MMP26: variants seen among roughly 807,000 people sequenced by gnomAD.
MMP26 encodes matrix metalloproteinase-26.
A neutral mutation model predicts 31.0 loss-of-function variants in MMP26; 33 were observed. That is an observed-to-expected ratio of 1.06 (90% CI 0.81 to 1.42). The LOEUF is 1.42. MMP26 is among the 40% of genes most tolerant of loss of function. MMP26 has a pLI of 0.00. For synonymous variants in MMP26, 122 were observed against 114.9 expected (o/e 1.06, Z -0.40); for missense variants, 347 against 316.1 (o/e 1.10, Z -0.74).
chr11:4,801,557 TTTGA>T (rs1849183425), intron 2 of MMP26, among the ~76,000 whole-genome samples: 1 of 135,264 alleles, frequency 7.4e-6, no homozygotes, highest in African/African-American at 2.7e-5. Flanking sequence ...TATTTATTTA[TTTGA>T]GATGGAGTTT....
chr11:4,708,359 T>G (rs992668170), intron 1 of MMP26, among the ~76,000 whole-genome samples: 1 of 152,194 alleles, frequency 6.6e-6, no homozygotes, highest in Non-Finnish European at 1.5e-5. Context: ...AAATGCCCTC[T>G]TGAACACACT....
At chr11:4,934,336 AT>A (rs1181059244) in intron 2 of MMP26, among the ~76,000 whole-genome samples, 1 of 142,702 alleles carries the variant, frequency 7.0e-6, no homozygotes, top group Non-Finnish European at 1.5e-5. Flanking sequence ...GATGATGAGC[AT>A]TTTTTCATGT....
chr11:4,982,142 A>G (rs1846823357), intron 2 of MMP26, among the ~76,000 whole-genome samples: 1 of 152,030 alleles, frequency 6.6e-6, no homozygotes, highest in African/African-American at 2.4e-5. Flanking sequence ...ATACATATAT[A>G]TTGAGTACAC....
chr11:4,966,780 T>C (rs1846601511), intron 2 of MMP26, among the ~76,000 whole-genome samples: 2 of 152,322 alleles, frequency 1.3e-5, no homozygotes, highest in Middle Eastern at 3.4e-3. Context: ...GTTGAGACTT[T>C]GTAGTCAAGG....
chr11:4,990,975 A>C (rs958640687), intron 5 of MMP26, among the ~76,000 whole-genome samples: 2 of 152,202 alleles, frequency 1.3e-5, no homozygotes, highest in African/African-American at 4.8e-5. Flanking sequence ...GGGGTACTGC[A>C]CATTTTCCTT....
chr11:4,977,151 G>GGGGT lies in MMP26; in HGVS notation c.-144-10917_-144-10916insGGGT, dbSNP rs1428831190. On this transcript the variant is annotated intron_variant, in intron 2 of 7. Transcript: ENST00000380390. ...TCTTGCTCTTGTGTTACTCATATTT[G>GGGGT]TCTTTGATAATGATGTTGTTGCACG... is the stretch of plus-strand genomic sequence containing the variant. 1.3e-3 allele frequency among the ~76,000 whole-genome samples: 197 copies of GGGGT among 151,606 alleles called. 2 individuals are homozygous for GGGGT. Among genetic ancestry groups the GGGGT allele is most frequent in the African/African-American group, 4.8e-3 (196 of 41,074 alleles).
At chr11:4,731,882 A>G (rs1366229876) in intron 1 of MMP26, among the ~76,000 whole-genome samples, 2 of 152,194 alleles carry the variant, frequency 1.3e-5, no homozygotes, top group Non-Finnish European at 2.9e-5. Flanking sequence ...TGGGGAAAGG[A>G]TAAGATATCC....
intron 1 of MMP26, chr11:4,723,269 TCA>T: frequency 1.8e-6 from 2 of 1,112,230 alleles, no homozygotes; most frequent in Non-Finnish European, 2.7e-6. Flanking sequence ...CTTGCAGATC[TCA>T]GTCTTGTGCG....
intron 2 of MMP26, among the ~76,000 whole-genome samples, chr11:4,838,002 C>A (rs1564791296): frequency 6.6e-6 from 1 of 151,656 alleles, no homozygotes; most frequent in Non-Finnish European, 1.5e-5. Flanking sequence ...AAGAAAAAGG[C>A]ATTCTCTGAC....
intron 2 of MMP26, among the ~76,000 whole-genome samples, chr11:4,933,699 A>C (rs1851387414): frequency 6.7e-6 from 1 of 149,402 alleles, no homozygotes; most frequent in Non-Finnish European, 1.5e-5. Flanking sequence ...CATTAGGTAT[A>C]TCTCCCAATG....
chr11:4,827,686 A>G (rs1488750880), intron 2 of MMP26, among the ~76,000 whole-genome samples: 1 of 151,982 alleles, frequency 6.6e-6, no homozygotes, highest in East Asian at 1.9e-4. Flanking sequence ...GAAGTAAGGG[A>G]AAGCAGAAAT....
chr11:4,882,353 A>G (rs1850482889), intron 2 of MMP26: 1 of 1,613,954 alleles, frequency 6.2e-7, no homozygotes, highest in East Asian at 2.2e-5. Flanking sequence ...GGTCATCTGC[A>G]TTAGACCAGC....
In MMP26 at chr11:4,849,838, A is replaced by G. The variant is rs188831915; in HGVS notation, c.-145+82497A>G. Among the ~76,000 whole-genome samples the G allele has an allele frequency of 5.9e-5, 9 of 152,244 alleles. No homozygotes were observed. In the East Asian group the frequency reaches 1.7e-3, roughly 29 times the overall value. On this transcript the variant is annotated intron_variant, in intron 2 of 7. Transcript: ENST00000380390. ...GTGTCCCTATGATTTATACATGGGT[A>G]TTTAAAATTTTTATTTTATTGAAAT...
chr11:4,900,759 A>G (rs1313476553), intron 2 of MMP26, among the ~76,000 whole-genome samples: 1 of 152,162 alleles, frequency 6.6e-6, no homozygotes, highest in African/African-American at 2.4e-5. Flanking sequence ...CCTCTTTGTC[A>G]CTAGTATTCC....
rs1310333937 is a variant in MMP26, at chr11:4,954,277, G to C, written c.-144-33791G>C. On this transcript the variant is annotated intron_variant, in intron 2 of 7. Transcript: ENST00000380390. Reference sequence around the variant, plus strand: ...GATTGGACTGAAAAACTATCTGTTGGGTACTATGCTCACTACCTGGGTCCA... The same window carrying C: ...GATTGGACTGAAAAACTATCTGTTGCGTACTATGCTCACTACCTGGGTCCA... Among the ~76,000 whole-genome samples, 2 of 123,284 alleles carry C rather than the reference G, an allele frequency of 1.6e-5. 1 individual carries two copies. The highest frequency in any genetic ancestry group is 3.6e-5 in the Non-Finnish European group (2 of 54,822). 80.9% of individuals were successfully genotyped at this position (123,284 alleles called of 152,430 possible). A position where few individuals can be genotyped will look rare whatever the true frequency, so the allele number is the denominator to read the frequency against.
chr11:4,707,436 A>G (rs1847795110), intron 1 of MMP26, among the ~76,000 whole-genome samples: 1 of 152,188 alleles, frequency 6.6e-6, no homozygotes, highest in Admixed American at 6.6e-5. Flanking sequence ...TTAACCCCTA[A>G]TCAGGTATTT....
In MMP26 at chr11:4,859,495, C is replaced by G. The variant is rs527954566; in HGVS notation, c.-145+92154C>G. ...ATGTATCTTCACCCACAAGCCTTAC[C>G]CACTCCTGCATTTCCCCAGATGTGC... is the stretch of plus-strand genomic sequence containing the variant. On this transcript the variant is annotated intron_variant, in intron 2 of 7. Transcript: ENST00000380390. 47 of 356,040 alleles carry G rather than the reference C, an allele frequency of 1.3e-4. 2 individuals are homozygous for G. Among genetic ancestry groups the G allele is most frequent in the South Asian group, 9.9e-4 (46 of 46,700 alleles). 22.1% of individuals were successfully genotyped at this position (356,040 alleles called of 1,614,324 possible).
chr11:4,968,336 C>CT (rs1846622734), intron 2 of MMP26, among the ~76,000 whole-genome samples: 1 of 151,592 alleles, frequency 6.6e-6, no homozygotes, highest in African/African-American at 2.4e-5. Context: ...CAAAATAAAC[C>CT]AAATTATTTT....
intron 1 of MMP26, among the ~76,000 whole-genome samples, chr11:4,757,088 C>T (rs1245792804): frequency 2.0e-5 from 3 of 151,992 alleles, no homozygotes; most frequent in Non-Finnish European, 4.4e-5. Flanking sequence ...GAAAACTTAA[C>T]ATTAAACCAA....
Sources: gnomAD v4.1 joint callset for allele counts (sites outside exome capture counted in the v4.1 genomes callset) on GRCh38, gnomAD v4.1.1 for gene constraint, MANE v1.5 for transcripts, NCBI Gene and HGNC (gene_info 2026-07-23, HGNC 2026-07-21) for gene names.